The following MYPN variants were observed in gnomAD, a reference collection of about 807,000 sequenced individuals.
The protein encoded by MYPN is sarcomeric protein myopalladin, 145 kDa (MYOP).
A neutral mutation model predicts 129.4 loss-of-function variants in MYPN; 63 were observed. That is an observed-to-expected ratio of 0.49 (90% CI 0.40 to 0.60). The LOEUF is 0.60. Among genes scored for constraint, MYPN ranks in the 20% least tolerant of loss-of-function variants. MYPN has a pLI of 0.00. For missense variants in MYPN, 1,596 were observed against 1,635.4 expected, an observed-to-expected ratio of 0.98 and a Z score of 0.42; for synonymous variants, 629 against 600.9, an observed-to-expected ratio of 1.05 and a Z score of -0.68.
chr10:68,179,399 G>A (rs908404051), intron 12 of MYPN, among the ~76,000 whole-genome samples: 6 of 152,270 alleles, frequency 3.9e-5, no homozygotes, highest in Admixed American at 2.0e-4. Flanking sequence ...CAGACTGGGC[G>A]GTGTCTTGTT....
upstream of MYPN, among the ~76,000 whole-genome samples, chr10:68,108,810 C>T (rs1363054352): frequency 6.6e-6 from 1 of 152,080 alleles, no homozygotes; most frequent in Non-Finnish European, 1.5e-5. Context: ...CAACCTCTAC[C>T]TCCCCGGTTC....
At chr10:68,106,395 C>G (rs1160016546), upstream of MYPN, 7 of 381,148 alleles carry the variant, frequency 1.8e-5, no homozygotes, top group Non-Finnish European at 2.5e-5. Flanking sequence ...ATATTGTTGT[C>G]ATGCCTTTTA....
chr10:68,116,736 CA>C (rs200977697), intron 1 of MYPN, among the ~76,000 whole-genome samples: 1 of 146,782 alleles, frequency 6.8e-6, no homozygotes, highest in African/African-American at 2.5e-5. Flanking sequence ...GAGTCTATCT[CA>C]AAAAAAAAGA....
intron 18 of MYPN, among the ~76,000 whole-genome samples, chr10:68,202,283 A>T (rs1158044577): frequency 6.6e-6 from 1 of 152,074 alleles, no homozygotes; most frequent in Non-Finnish European, 1.5e-5. Context: ...AATACAAAAA[A>T]TTAGCCAGGC....
At chr10:68,188,595 G>A (rs2043459415) in intron 12 of MYPN, among the ~76,000 whole-genome samples, 1 of 152,120 alleles carries the variant, frequency 6.6e-6, no homozygotes, top group Non-Finnish European at 1.5e-5. Context: ...TTTCCATATT[G>A]AAAGGAACAC....
chr10:68,194,520 C>A lies in MYPN; in HGVS notation c.3075+8C>A. On this transcript the variant is annotated splice_region_variant and intron_variant, in intron 14 of 19. Coordinates refer to ENST00000358913, the MANE Select transcript of MYPN (RefSeq NM_032578.4). ...ATGGCAGCCAACCCCCAGGTGGAGA[C>A]GCAGGGTTCTGCGCTGTGCTGCACT... The A allele has an allele frequency of 1.2e-6, 2 of 1,612,652 alleles. No homozygotes were observed. The highest frequency in any genetic ancestry group is 8.5e-7 in the Non-Finnish European group (1 of 1,179,072).
At chr10:68,210,165 A>G (rs1482659993) in intron 19 of MYPN, 121 bp from the exon 20 acceptor site, 3 of 1,096,472 alleles carry the variant, frequency 2.7e-6, no homozygotes, top group Non-Finnish European at 4.0e-6. Flanking sequence ...ACCCAGGTAT[A>G]GTTATATGCT....
At chr10:68,099,183 G>A (rs902939022) in intron 1 of MYPN, among the ~76,000 whole-genome samples, 1 of 152,004 alleles carries the variant, frequency 6.6e-6, no homozygotes, top group African/African-American at 2.4e-5. Flanking sequence ...TAAAATTTGG[G>A]GTGGCTCCCA....
upstream of MYPN, among the ~76,000 whole-genome samples, chr10:68,108,459 C>T (rs1218061813): frequency 2.0e-5 from 3 of 152,034 alleles, no homozygotes; most frequent in South Asian, 2.1e-4. Flanking sequence ...GTAGGCATTA[C>T]GAAAATAATT....
chr10:68,204,401 C>T (rs2043775642), intron 18 of MYPN, among the ~76,000 whole-genome samples: 1 of 152,216 alleles, frequency 6.6e-6, no homozygotes, highest in Admixed American at 6.5e-5. Context: ...CAATACCCCT[C>T]CTCACCACTG....
At chr10:68,136,818 A>C in intron 2 of MYPN, 2 of 1,348,080 alleles carry the variant, frequency 1.5e-6, no homozygotes, top group Non-Finnish European at 1.0e-6. Context: ...ATAGCTATTG[A>C]TATTTGTTTT....
At chr10:68,105,627 A>G (rs1488670731), upstream of MYPN, among the ~76,000 whole-genome samples, 1 of 152,218 alleles carries the variant, frequency 6.6e-6, no homozygotes, top group Non-Finnish European at 1.5e-5. Flanking sequence ...AAGTAAAGGA[A>G]GCTTTGTTGT....
At chr10:68,111,391 T>C (rs2042079541) in intron 1 of MYPN, among the ~76,000 whole-genome samples, 1 of 152,148 alleles carries the variant, frequency 6.6e-6, no homozygotes, top group Admixed American at 6.5e-5. Context: ...CCTAGAACAA[T>C]TAATTTTTTT....
intron 8 of MYPN, among the ~76,000 whole-genome samples, chr10:68,162,978 C>T (rs2087344): frequency 0.58 from 87,981 of 151,818 alleles, 27,579 homozygotes; most frequent in Non-Finnish European, 0.69. Context: ...GAATTCATGG[C>T]CTGAAAAAAA....
Position 68,199,350 on chromosome 10 carries a change from T to C in MYPN, c.3286-18T>C, listed in dbSNP as rs1648848683. 6.2e-7 allele frequency: 1 copy of C among 1,612,696 alleles called. No individual in the cohort carries two copies. Among genetic ancestry groups the C allele is most frequent in the Admixed American group, 1.7e-5 (1 of 59,996 alleles). ...CCTGTCATCAGTCATGTGCCTCAGC[T>C]GTTCTGTTGTTTATTAGGTGAGTGG... On this transcript the variant is annotated intron_variant, in intron 16 of 19. Coordinates refer to ENST00000358913, the MANE Select transcript of MYPN (RefSeq NM_032578.4).
chr10:68,144,351 G>A (rs1404168779), intron 3 of MYPN, among the ~76,000 whole-genome samples: 2 of 151,982 alleles, frequency 1.3e-5, no homozygotes, highest in Non-Finnish European at 2.9e-5. Context: ...TTATGGTATA[G>A]ATGCCCATTT....
At chr10:68,182,683 T>C (rs1024704571) in intron 12 of MYPN, among the ~76,000 whole-genome samples, 8 of 151,874 alleles carry the variant, frequency 5.3e-5, no homozygotes, top group Non-Finnish European at 1.2e-4. Context: ...CTTTTTTGTA[T>C]TTTTAGTAGA....
chr10:68,089,024 T>C (rs1446958501), intron 1 of MYPN, among the ~76,000 whole-genome samples: 1 of 152,148 alleles, frequency 6.6e-6, no homozygotes, highest in East Asian at 1.9e-4. Context: ...TAGTCTTTTG[T>C]GAGTTCGTTT....
chr10:68,172,820 C>T (rs2043163322), intron 10 of MYPN, among the ~76,000 whole-genome samples: 1 of 152,072 alleles, frequency 6.6e-6, no homozygotes, highest in Admixed American at 6.6e-5. Flanking sequence ...CGCCTGTAAT[C>T]CCACCAGTTT....
Sources: allele counts gnomAD v4.1 joint callset (sites outside exome capture counted in the v4.1 genomes callset), GRCh38; gene constraint gnomAD v4.1.1; transcripts MANE v1.5; gene names NCBI Gene and HGNC (gene_info 2026-07-23, HGNC 2026-07-21).